Variants in ELAVL2 observed in about 807,000 individuals in gnomAD.
The protein encoded by ELAVL2 is ELAV like RNA binding protein 2.
A neutral mutation model predicts 34.6 loss-of-function variants in ELAVL2; 4 were observed. The observed-to-expected ratio is 0.12, with a 90% CI of 0.06 to 0.26. The LOEUF is 0.26. ELAVL2 is among the 10% of genes least tolerant of loss of function. The pLI, the probability that ELAVL2 is intolerant of heterozygous loss-of-function variation, is 1.00. For synonymous variants in ELAVL2, 193 were observed against 154.8 expected (o/e 1.25, Z -1.83); for missense variants, 432 against 442.8 (o/e 0.98, Z 0.22).
intron 1 of ELAVL2, among the ~76,000 whole-genome samples, chr9:23,806,923 A>C (rs2062305777): frequency 1.3e-5 from 2 of 152,134 alleles, no homozygotes. Context: ...ACTTCTCTCC[A>C]AATTCCATCA....
chr9:23,721,098 C>G (rs1195902778), intron 3 of ELAVL2, among the ~76,000 whole-genome samples: 2 of 152,176 alleles, frequency 1.3e-5, no homozygotes, highest in Non-Finnish European at 2.9e-5. Context: ...ATCCACTGAT[C>G]GTTAGTTTCT....
intron 2 of ELAVL2, among the ~76,000 whole-genome samples, chr9:23,757,495 G>C (rs1050949581): frequency 1.3e-5 from 2 of 151,880 alleles, no homozygotes; most frequent in Non-Finnish European, 2.9e-5. Flanking sequence ...GAGAGGGTTG[G>C]TTAAGGTCAC....
At chr9:23,797,779 T>G (rs902523813) in intron 1 of ELAVL2, among the ~76,000 whole-genome samples, 1 of 151,758 alleles carries the variant, frequency 6.6e-6, no homozygotes, top group African/African-American at 2.4e-5. Flanking sequence ...AAATACAAAA[T>G]TAGGTGGGCG....
At position 23,773,488 on chromosome 9, in the gene ELAVL2, T is replaced by A. The variant is rs559154704; in HGVS notation, c.-15-11239A>T. On this transcript the variant is annotated intron_variant, in intron 1 of 6. Transcript: ENST00000397312. ...CACATTTGAAACGAACGCTTAAGGA[T>A]CTCAAAAAGTAGGTGGGGCAAGTAC... Among the ~76,000 whole-genome samples the A allele has an allele frequency of 1.3e-3, 197 of 152,218 alleles. 1 individual carries two copies. Among genetic ancestry groups the A allele is most frequent in the African/African-American group, 4.6e-3 (191 of 41,528 alleles).
At chr9:23,723,337 C>T (rs1003315663) in intron 3 of ELAVL2, among the ~76,000 whole-genome samples, 54 of 151,962 alleles carry the variant, frequency 3.6e-4, no homozygotes, top group Non-Finnish European at 4.7e-4. Context: ...AACCAAACAC[C>T]GCATGTTCTC....
At chr9:23,791,251 G>A (rs916309588) in intron 1 of ELAVL2, among the ~76,000 whole-genome samples, 1 of 152,170 alleles carries the variant, frequency 6.6e-6, no homozygotes, top group Non-Finnish European at 1.5e-5. Context: ...TCGCAGGGGT[G>A]GGAGCAAGGA....
At chr9:23,755,553 T>C (rs1407843409) in intron 2 of ELAVL2, among the ~76,000 whole-genome samples, 1 of 152,184 alleles carries the variant, frequency 6.6e-6, no homozygotes, top group Admixed American at 6.6e-5. Context: ...GTTTCTCCAT[T>C]ACCTTTTGCC....
intron 5 of ELAVL2, among the ~76,000 whole-genome samples, chr9:23,695,969 A>G (rs893839886): frequency 2.6e-5 from 4 of 152,132 alleles, no homozygotes; most frequent in African/African-American, 4.8e-5. Context: ...CGAATTTTTT[A>G]TAACAGGATC....
intron 1 of ELAVL2, among the ~76,000 whole-genome samples, chr9:23,768,324 A>G (rs2056701002): frequency 6.6e-6 from 1 of 151,940 alleles, no homozygotes; most frequent in Non-Finnish European, 1.5e-5. Flanking sequence ...AACCCACCCC[A>G]TCTCCATTTC....
intron 1 of ELAVL2, among the ~76,000 whole-genome samples, chr9:23,805,649 T>C (rs762553795): frequency 6.6e-6 from 1 of 152,168 alleles, no homozygotes; most frequent in Non-Finnish European, 1.5e-5. Flanking sequence ...TTCTTAAAGT[T>C]AGCCATCCAT....
intron 3 of ELAVL2, among the ~76,000 whole-genome samples, chr9:23,729,969 G>C (rs1465195743): frequency 1.3e-5 from 2 of 152,034 alleles, no homozygotes; most frequent in South Asian, 2.1e-4. Flanking sequence ...ACCACTTCAG[G>C]CTATAGTCTG....
At chr9:23,836,306 A>G in the ELAVL2 span, among the ~76,000 whole-genome samples, 1 of 152,226 alleles carries the variant, frequency 6.6e-6, no homozygotes, top group South Asian at 2.1e-4. Context: ...TTTAAGCTGT[A>G]TGAGTAACAA....
chr9:23,740,134 G>A (rs77889082), intron 2 of ELAVL2, among the ~76,000 whole-genome samples: 2,346 of 152,192 alleles, frequency 0.015, 48 homozygotes, highest in East Asian at 0.11. Context: ...AAACCTTCCA[G>A]TATGAAAAAG....
chr9:23,721,867 A>T (rs1224030312), intron 3 of ELAVL2, among the ~76,000 whole-genome samples: 1 of 152,232 alleles, frequency 6.6e-6, no homozygotes, highest in African/African-American at 2.4e-5. Flanking sequence ...CATGAAACAT[A>T]CAAAATATGT....
Position 23,769,197 on chromosome 9 carries a change from C to G in ELAVL2, c.-15-6948G>C, listed in dbSNP as rs180859363. ...CTCTAAAGTTTTAGAGCCAAACATA[C>G]AAAACACAAACAAACAAACAAAAAA... On this transcript the variant is annotated intron_variant, in intron 1 of 6. Transcript: ENST00000397312. Among the ~76,000 whole-genome samples the G allele has an allele frequency of 2.6e-5, 4 of 151,786 alleles. No homozygotes were observed. The East Asian group carries it at 5.9e-4, about 22-fold the overall frequency.
chr9:23,751,333 TCTG>T (rs1332071230), intron 2 of ELAVL2, among the ~76,000 whole-genome samples: 1 of 152,156 alleles, frequency 6.6e-6, no homozygotes. Flanking sequence ...TAAAATTGCA[TCTG>T]CTAAGTTAAC....
chr9:23,835,791 G>A, the ELAVL2 span, among the ~76,000 whole-genome samples: 1 of 152,130 alleles, frequency 6.6e-6, no homozygotes, highest in South Asian at 2.1e-4. Context: ...ACATTTTGCA[G>A]TCTGATAAAA....
chr9:23,709,136 C>T (rs942634315), intron 3 of ELAVL2, among the ~76,000 whole-genome samples: 1 of 152,126 alleles, frequency 6.6e-6, no homozygotes, highest in Non-Finnish European at 1.5e-5. Flanking sequence ...CTTCTCCTTC[C>T]TCCCAGACCA....
At chr9:23,767,333 CAA>C (rs2056484726) in intron 1 of ELAVL2, among the ~76,000 whole-genome samples, 1 of 152,170 alleles carries the variant, frequency 6.6e-6, no homozygotes, top group African/African-American at 2.4e-5. Flanking sequence ...TTTGAGAAGT[CAA>C]ACTGATCCAA....
Sources: gnomAD v4.1 joint callset for allele counts (sites outside exome capture counted in the v4.1 genomes callset) on GRCh38, gnomAD v4.1.1 for gene constraint, MANE v1.5 for transcripts, NCBI Gene and HGNC (gene_info 2026-07-23, HGNC 2026-07-21) for gene names.